Variants in ME3 observed in about 807,000 individuals in gnomAD.
ME3 encodes the protein malic enzyme 3, also known as NADP-dependent malic enzyme, mitochondrial.
A neutral mutation model predicts 68.9 loss-of-function variants in ME3; 48 were observed. The observed-to-expected ratio is 0.70, with a 90% confidence interval of 0.55 to 0.89. ME3 has a LOEUF of 0.89. Ranked by LOEUF, ME3 falls within the 40% of genes least tolerant of loss-of-function variation. ME3 has a pLI of 0.00. For missense variants in ME3, 675 were observed against 797.4 expected, an observed-to-expected ratio of 0.85 and a Z score of 1.85; for synonymous variants, 320 against 318.8, an observed-to-expected ratio of 1.00 and a Z score of -0.04.
intron 2 of ME3, among the ~76,000 whole-genome samples, chr11:86,660,840 T>C (rs1448741039): frequency 1.3e-5 from 2 of 149,822 alleles, no homozygotes; most frequent in East Asian, 3.8e-4. Context: ...GAAAACTCTC[T>C]TAAAGAAATG....
chr11:86,669,365 C>G (rs925309335), intron 2 of ME3, among the ~76,000 whole-genome samples: 1 of 152,178 alleles, frequency 6.6e-6, no homozygotes, highest in Non-Finnish European at 1.5e-5. Flanking sequence ...CTGTATTAGT[C>G]TGGTTCTTAC....
At chr11:86,437,365 G>T (rs1324414136), downstream of ME3, 1 of 152,120 alleles carries the variant, frequency 6.6e-6, no homozygotes, top group Non-Finnish European at 1.5e-5. Context: ...GGACCACACA[G>T]CCTTGATCAT....
At chr11:86,665,644 T>C (rs968518541) in intron 2 of ME3, among the ~76,000 whole-genome samples, 4 of 151,990 alleles carry the variant, frequency 2.6e-5, no homozygotes, top group Non-Finnish European at 4.4e-5. Flanking sequence ...ACCCTGGCCA[T>C]TGTGTTGAGA....
chr11:86,532,250 G>C lies in ME3; in HGVS notation c.468-23383C>G, dbSNP rs576768072. ...AAGCAAATATTAAAATATCTGAAGG[G>C]TGAGATAGACTGCAATACAATAATA... On this transcript the variant is annotated intron_variant, in intron 4 of 14. Transcript: ENST00000543262. Among the ~76,000 whole-genome samples the C allele has an allele frequency of 8.9e-4, 135 of 152,218 alleles. 6 individuals are homozygous for C. In the South Asian group the frequency reaches 0.027, roughly 31 times the overall value.
chr11:86,488,526 C>T (rs1246369372), intron 6 of ME3, among the ~76,000 whole-genome samples: 1 of 152,152 alleles, frequency 6.6e-6, no homozygotes, highest in Non-Finnish European at 1.5e-5. Context: ...CTCACCTTAA[C>T]ACCTAGCCTG....
Position 86,511,257 on chromosome 11 carries a change from T to C in ME3, c.468-2390A>G, listed in dbSNP as rs369169757. Among the ~76,000 whole-genome samples the C allele has an allele frequency of 1.8e-4, 28 of 152,362 alleles. 2 individuals are homozygous for C. In the South Asian group the frequency reaches 5.2e-3, roughly 28 times the overall value. ...ATTGTTTTACTTCTTGTGCTAAAAA[T>C]AGAATAAAGACCAAAGTCCTCAACA... On this transcript the variant is annotated intron_variant, in intron 4 of 14. Transcript: ENST00000543262.
downstream of ME3, chr11:86,436,749 G>A (rs1213207927): frequency 6.6e-6 from 1 of 151,848 alleles, no homozygotes; most frequent in African/African-American, 2.4e-5. Context: ...TTTGCATGTG[G>A]ATATTCAATT....
At chr11:86,497,321 TAA>T (rs756539486) in intron 6 of ME3, among the ~76,000 whole-genome samples, 9 of 152,124 alleles carry the variant, frequency 5.9e-5, no homozygotes, top group Non-Finnish European at 1.3e-4. Context: ...TAAATGTAAT[TAA>T]GAGGGAATCC....
intron 2 of ME3, among the ~76,000 whole-genome samples, chr11:86,608,319 A>C (rs1326909045): frequency 6.6e-6 from 1 of 152,112 alleles, no homozygotes; most frequent in Non-Finnish European, 1.5e-5. Context: ...ATTTAGAAAA[A>C]ATTACTAGGA....
At chr11:86,633,084 T>G (rs1235063240) in intron 2 of ME3, among the ~76,000 whole-genome samples, 2 of 152,212 alleles carry the variant, frequency 1.3e-5, no homozygotes, top group Admixed American at 1.3e-4. Flanking sequence ...TAATGACCAC[T>G]GAGTCACCAT....
intron 2 of ME3, among the ~76,000 whole-genome samples, chr11:86,611,615 G>C (rs971343954): frequency 7.5e-6 from 1 of 132,766 alleles, no homozygotes; most frequent in African/African-American, 2.7e-5. Flanking sequence ...TGGGGGGGGG[G>C]GGAAGAAAAA....
chr11:86,483,147 G>A (rs1951507207), intron 7 of ME3, among the ~76,000 whole-genome samples: 1 of 152,202 alleles, frequency 6.6e-6, no homozygotes, highest in Non-Finnish European at 1.5e-5. Context: ...GGGCACAGTA[G>A]AGACATCTAG....
intron 2 of ME3, among the ~76,000 whole-genome samples, chr11:86,592,702 A>G (rs186899120): frequency 9.2e-5 from 14 of 152,296 alleles, no homozygotes; most frequent in Middle Eastern, 3.4e-3. Flanking sequence ...GGAGCATTTT[A>G]CCCAATTCCC....
At chr11:86,450,055 C>A in intron 9 of ME3, 53 bp from the exon 10 acceptor site, 2 of 1,379,248 alleles carry the variant, frequency 1.5e-6, no homozygotes, top group Non-Finnish European at 2.0e-6. Context: ...AGCTGCTGAA[C>A]ATTTATCTGA....
chr11:86,616,568 C>G (rs957854348), intron 2 of ME3, among the ~76,000 whole-genome samples: 1 of 152,152 alleles, frequency 6.6e-6, no homozygotes, highest in African/African-American at 2.4e-5. Flanking sequence ...CTGAAAGTCA[C>G]ACAGCATCAG....
At chr11:86,450,867 C>A (rs2138629838) in intron 8 of ME3, among the ~76,000 whole-genome samples, 1 of 152,300 alleles carries the variant, frequency 6.6e-6, no homozygotes, top group African/African-American at 2.4e-5. Flanking sequence ...TGGTCGCACA[C>A]CATCGTCAAA....
At chr11:86,581,194 T>C (rs1958426265) in intron 2 of ME3, among the ~76,000 whole-genome samples, 2 of 152,158 alleles carry the variant, frequency 1.3e-5, no homozygotes, top group Admixed American at 1.3e-4. Flanking sequence ...AAAGTACTGT[T>C]TTGCTAAACT....
intron 2 of ME3, among the ~76,000 whole-genome samples, chr11:86,653,253 T>C (rs1012944078): frequency 6.6e-6 from 1 of 152,122 alleles, no homozygotes; most frequent in African/African-American, 2.4e-5. Flanking sequence ...ACCTAATAGA[T>C]ATCTACAGAA....
At chr11:86,470,561 AT>A (rs1340212817) in intron 7 of ME3, among the ~76,000 whole-genome samples, 1 of 152,256 alleles carries the variant, frequency 6.6e-6, no homozygotes, top group Non-Finnish European at 1.5e-5. Context: ...CACAATGTGT[AT>A]TAAAAGCTCT....
Sources: allele counts gnomAD v4.1 joint callset (sites outside exome capture counted in the v4.1 genomes callset), GRCh38; gene constraint gnomAD v4.1.1; transcripts MANE v1.5; gene names NCBI Gene and HGNC (gene_info 2026-07-23, HGNC 2026-07-21).